DNAI4: variants seen among roughly 807,000 people sequenced by gnomAD.
The protein encoded by DNAI4 is WD repeat domain 78.
In DNAI4, 85 loss-of-function variants were observed where a neutral mutation model predicts 105.8. That is an observed-to-expected ratio of 0.80 (90% confidence interval 0.67 to 0.96). DNAI4 has a LOEUF of 0.96. Among genes scored for constraint, DNAI4 ranks in the 40% least tolerant of loss-of-function variants. DNAI4 has a pLI of 0.00. For missense variants in DNAI4, 1,014 were observed against 1,005.6 expected, an observed-to-expected ratio of 1.01 and a Z score of -0.11; for synonymous variants, 352 against 331.5, an observed-to-expected ratio of 1.06 and a Z score of -0.67.
chr1:66,918,938 A>G (rs1183357617), intron 1 of DNAI4: 6 of 246,858 alleles, frequency 2.4e-5, no homozygotes, highest in African/African-American at 1.4e-4. Flanking sequence ...GCTCACTGAT[A>G]TAGATGCATA....
At chr1:66,823,753 GTTGT>G (rs1312737667) in intron 15 of DNAI4, among the ~76,000 whole-genome samples, 7 of 148,364 alleles carry the variant, frequency 4.7e-5, no homozygotes, top group African/African-American at 1.7e-4. Flanking sequence ...TTTTGATGGG[GTTGT>G]TTGTTTTTTT....
chr1:66,860,661 A>G (rs946167324), intron 7 of DNAI4: 1 of 152,080 alleles, frequency 6.6e-6, no homozygotes, highest in Non-Finnish European at 1.5e-5. Context: ...CACATGAAAT[A>G]CTCTGAAAGA....
At chr1:66,840,773 C>CATCA in intron 8 of DNAI4, 102 bp from the exon 9 acceptor site, 1 of 1,213,790 alleles carries the variant, frequency 8.2e-7, no homozygotes. Context: ...CTTCAAGCAC[C>CATCA]ATCAGATCTG....
intron 4 of DNAI4, among the ~76,000 whole-genome samples, chr1:66,884,108 T>G (rs1647139729): frequency 6.6e-6 from 1 of 152,236 alleles, no homozygotes; most frequent in South Asian, 2.1e-4. Context: ...TTTATTTCAC[T>G]TAGCATAATG....
chr1:66,919,462 A>T (rs138732242), intron 1 of DNAI4, among the ~76,000 whole-genome samples: 1 of 152,358 alleles, frequency 6.6e-6, no homozygotes, highest in African/African-American at 2.4e-5. Flanking sequence ...AGAAAATGCC[A>T]CTGAAGCCAG....
intron 1 of DNAI4, among the ~76,000 whole-genome samples, chr1:66,918,654 T>C (rs2985814): frequency 5.6e-4 from 85 of 152,306 alleles, no homozygotes; most frequent in Middle Eastern, 3.4e-3. Context: ...TTCCTCTTCA[T>C]AGGACATGAG....
intron 16 of DNAI4, among the ~76,000 whole-genome samples, chr1:66,822,065 A>G (rs996917641): frequency 2.0e-5 from 3 of 152,164 alleles, no homozygotes; most frequent in African/African-American, 7.2e-5. Context: ...TTTAAGAATT[A>G]TTAAGTCCCA....
chr1:66,883,469 G>C (rs1166935188), intron 4 of DNAI4, among the ~76,000 whole-genome samples: 1 of 151,822 alleles, frequency 6.6e-6, no homozygotes, highest in Non-Finnish European at 1.5e-5. Context: ...GTATATACGG[G>C]GTTTTGCCAT....
intron 7 of DNAI4, among the ~76,000 whole-genome samples, chr1:66,859,682 T>G (rs1413639156): frequency 6.6e-6 from 1 of 152,084 alleles, no homozygotes; most frequent in Non-Finnish European, 1.5e-5. Flanking sequence ...TATCGTTTAG[T>G]AAAAGGAGCC....
At chr1:66,844,084 CA>C (rs55925419) in intron 8 of DNAI4, among the ~76,000 whole-genome samples, 741 of 66,300 alleles carry the variant, frequency 0.011, 4 homozygotes, top group African/African-American at 0.043. Flanking sequence ...ACTGGAGATT[CA>C]AAAAAAAAAA....
rs756229556 is a variant in DNAI4 at position 66,826,951 on chromosome 1, A to G, written c.2208T>C (p.Asn736=). 8 of 1,614,076 alleles carry G rather than the reference A, an allele frequency of 5.0e-6. No individual in the cohort carries two copies. Among genetic ancestry groups the G allele is most frequent in the Non-Finnish European group, 6.8e-6 (8 of 1,180,040 alleles). Residue 736 remains asparagine (N), a synonymous_variant, in exon 15 of 17, where the codon AAT becomes AAC. Transcript: ENST00000371026. ...GATAAAAACTCAAAGATGGCTTGAC[A>G]TTCTCCTGTTGCCATATAATAACAC... is the stretch of plus-strand genomic sequence containing the variant. ...DWGVIIWQQE[N]VKPSLSFYPA... is the part of the protein sequence containing the mutation.
At position 66,813,629 on chromosome 1, in the gene DNAI4, T is replaced by C. The variant is rs979442721; in HGVS notation, c.*501A>G. 6.6e-6 allele frequency: 1 copy of C among 152,454 alleles called. No homozygotes were observed. The highest frequency in any genetic ancestry group is 1.5e-5 in the Non-Finnish European group (1 of 68,090). 9.4% of individuals were successfully genotyped at this position (152,454 alleles called of 1,614,324 possible). ...TAACAAAGTTCTATAGCTTCGGCTC[T>C]TAGATCTAAGAGGATAAAATGTTAG... On this transcript the variant is annotated 3_prime_UTR_variant, in exon 17 of 17. Coordinates refer to ENST00000371026, the MANE Select transcript of DNAI4 (RefSeq NM_024763.5).
intron 16 of DNAI4, among the ~76,000 whole-genome samples, chr1:66,821,554 T>C (rs535934603): frequency 6.6e-6 from 1 of 152,222 alleles, no homozygotes; most frequent in Admixed American, 6.5e-5. Context: ...ATAAACCTTG[T>C]AAATCTGATA....
At chr1:66,839,415 T>C (rs1477204640) in intron 9 of DNAI4, among the ~76,000 whole-genome samples, 1 of 152,242 alleles carries the variant, frequency 6.6e-6, no homozygotes, top group Non-Finnish European at 1.5e-5. Flanking sequence ...TAGGTTTCAA[T>C]GGAAATGATT....
intron 6 of DNAI4, among the ~76,000 whole-genome samples, chr1:66,870,172 G>T (rs748259723): frequency 6.6e-6 from 1 of 152,100 alleles, no homozygotes; most frequent in African/African-American, 2.4e-5. Context: ...GGCCAGGCGC[G>T]GTGGCTCATG....
chr1:66,912,018 T>A (rs1240722416), intron 1 of DNAI4, among the ~76,000 whole-genome samples: 1 of 152,148 alleles, frequency 6.6e-6, no homozygotes, highest in Non-Finnish European at 1.5e-5. Flanking sequence ...ATTTTTGTAT[T>A]TTCAGTGGAG....
intron 12 of DNAI4, 122 bp downstream of exon 12, chr1:66,833,869 C>T (rs1645922724): frequency 1.4e-6 from 2 of 1,393,236 alleles, no homozygotes; most frequent in South Asian, 1.5e-5. Flanking sequence ...TTAGAAAAAC[C>T]ATGACCAACC....
intron 1 of DNAI4, among the ~76,000 whole-genome samples, chr1:66,916,083 TA>T (rs34693536): frequency 4.6e-4 from 54 of 117,468 alleles, no homozygotes; most frequent in African/African-American, 7.8e-4. Context: ...AGACTCTGTC[TA>T]AAAAAAAAAA....
chr1:66,885,840 T>C (rs549553948), intron 4 of DNAI4, among the ~76,000 whole-genome samples: 3 of 152,350 alleles, frequency 2.0e-5, no homozygotes, highest in Non-Finnish European at 4.4e-5. Flanking sequence ...GGTTTTGTGT[T>C]TTTGTTTTGC....
Sources: allele counts gnomAD v4.1 joint callset (sites outside exome capture counted in the v4.1 genomes callset), GRCh38; gene constraint gnomAD v4.1.1; transcripts MANE v1.5; gene names NCBI Gene and HGNC (gene_info 2026-07-23, HGNC 2026-07-21).